The following ME1 variants were observed in gnomAD, a reference collection of about 807,000 sequenced individuals.
The protein encoded by ME1 is malic enzyme 1, also known as NADP-dependent malic enzyme.
A neutral mutation model predicts 66.4 loss-of-function variants in ME1; 74 were observed. The observed-to-expected ratio is 1.11, with a 90% CI of 0.92 to 1.35. The LOEUF (loss-of-function observed/expected upper bound fraction) is 1.35. Among genes scored for constraint, ME1 ranks in the 40% most tolerant of loss-of-function variants. The pLI is 0.00. For missense variants in ME1, 750 were observed against 694.1 expected (o/e 1.08, Z -0.90); for synonymous variants, 251 against 235.6 (o/e 1.07, Z -0.60).
chr6:83,304,902 C>T (rs1041691297), intron 6 of ME1, among the ~76,000 whole-genome samples: 12 of 152,130 alleles, frequency 7.9e-5, no homozygotes, highest in African/African-American at 2.9e-4. Context: ...TACCAACTTG[C>T]ATTAAATGTC....
intron 6 of ME1, among the ~76,000 whole-genome samples, chr6:83,297,676 C>T (rs146308716): frequency 0.028 from 4,197 of 152,174 alleles, 191 homozygotes; most frequent in African/African-American, 0.093. Context: ...GTTTGCTACA[C>T]CTATCAACCC....
intron 2 of ME1, among the ~76,000 whole-genome samples, 178 bp from the exon 3 acceptor site, chr6:83,398,694 G>A (rs954183927): frequency 1.3e-5 from 2 of 152,148 alleles, no homozygotes; most frequent in African/African-American, 4.8e-5. Flanking sequence ...AGTCTTGGCC[G>A]GGCACAGTGG....
chr6:83,239,401 A>G (rs1421807191), intron 8 of ME1, 138 bp downstream of exon 8: 1 of 531,798 alleles, frequency 1.9e-6, no homozygotes, highest in Non-Finnish European at 3.4e-6. Flanking sequence ...TCAGTACTTA[A>G]TTTGGGAATC....
chr6:83,351,286 A>G (rs1768798207), intron 4 of ME1, among the ~76,000 whole-genome samples: 1 of 152,206 alleles, frequency 6.6e-6, no homozygotes, highest in South Asian at 2.1e-4. Context: ...CAGAAGTTAT[A>G]GCTGAAGTGC....
In ME1 at chr6:83,298,999, T is replaced by C. The variant is rs527547302; in HGVS notation, c.704+16311A>G. 2.1e-5 allele frequency among the ~76,000 whole-genome samples: 3 copies of C among 145,214 alleles called. No individual in the cohort carries two copies. The South Asian group carries it at 6.8e-4, about 33-fold the overall frequency. On this transcript the variant is annotated intron_variant, in intron 6 of 13. Transcript: ENST00000369705. ...CAGTACTATGCTGTTTTGGTTACTG[T>C]AGCCTTGTGTATAGTTTGAAGTAGG...
chr6:83,341,423 G>A (rs944549600), intron 5 of ME1, among the ~76,000 whole-genome samples: 132 of 152,226 alleles, frequency 8.7e-4, no homozygotes, highest in African/African-American at 3.1e-3. Flanking sequence ...GTTTCGGGAA[G>A]CTCTTCAACT....
At chr6:83,267,880 T>A (rs879479559) in intron 6 of ME1, among the ~76,000 whole-genome samples, 1 of 152,214 alleles carries the variant, frequency 6.6e-6, no homozygotes, top group Non-Finnish European at 1.5e-5. Context: ...ATATATGATA[T>A]TTGATAGTCA....
chr6:83,301,743 G>A (rs895517322), intron 6 of ME1, among the ~76,000 whole-genome samples: 2 of 152,142 alleles, frequency 1.3e-5, no homozygotes, highest in African/African-American at 2.4e-5. Context: ...AAACCATAAT[G>A]AGATAACCAT....
Position 83,430,961 on chromosome 6 carries a change from C to T in ME1, c.-7G>A, listed in dbSNP as rs1770477918. On this transcript the variant is annotated 5_prime_UTR_variant, in exon 1 of 14. Transcript: ENST00000369705. Reference sequence around the variant, plus strand: ...GGGGGGCTTCGGGCTCCATGGCTGGCGCCGGGTTCGGCGGCGGGGTCAGGC... The same window carrying T: ...GGGGGGCTTCGGGCTCCATGGCTGGTGCCGGGTTCGGCGGCGGGGTCAGGC... 1.9e-6 allele frequency: 3 copies of T among 1,550,026 alleles called. No homozygotes were observed. Among genetic ancestry groups the T allele is most frequent in the Non-Finnish European group, 2.6e-6 (3 of 1,150,244 alleles).
intron 6 of ME1, among the ~76,000 whole-genome samples, chr6:83,279,327 A>C (rs1167075484): frequency 3.3e-5 from 5 of 152,246 alleles, no homozygotes; most frequent in Non-Finnish European, 1.5e-5. Flanking sequence ...ATAGTCGGAA[A>C]ACACAAAGCA....
chr6:83,358,137 C>A (rs1236785053), intron 3 of ME1, among the ~76,000 whole-genome samples: 1 of 151,046 alleles, frequency 6.6e-6, no homozygotes, highest in African/African-American at 2.4e-5. Flanking sequence ...TGGGAGTTGG[C>A]TGCCTAATAT....
chr6:83,321,915 C>G (rs527769021), intron 5 of ME1, among the ~76,000 whole-genome samples: 191 of 152,332 alleles, frequency 1.3e-3, no homozygotes, highest in African/African-American at 4.4e-3. Flanking sequence ...CGGCTGGCAT[C>G]TGGCAGGTGC....
intron 3 of ME1, among the ~76,000 whole-genome samples, chr6:83,373,312 T>C (rs1387668021): frequency 6.6e-6 from 1 of 152,126 alleles, no homozygotes; most frequent in Non-Finnish European, 1.5e-5. Context: ...CTCAGCTCAC[T>C]GCAACCCGTA....
intron 3 of ME1, among the ~76,000 whole-genome samples, chr6:83,386,190 T>C (rs1337445045): frequency 6.6e-6 from 1 of 151,972 alleles, no homozygotes; most frequent in Non-Finnish European, 1.5e-5. Flanking sequence ...GAAAATGTTT[T>C]TAATATTTAA....
chr6:83,228,333 T>G (rs1183963920), intron 10 of ME1, among the ~76,000 whole-genome samples: 2 of 152,184 alleles, frequency 1.3e-5, no homozygotes, highest in Non-Finnish European at 2.9e-5. Context: ...TCAGCACTAT[T>G]GACATTTTAG....
rs1339166775 is a variant in ME1 at position 83,216,590 on chromosome 6, CTA to C, written c.1454_1455del (p.Ile485SerfsTer7). 40 of 1,594,102 alleles carry C rather than the reference CTA, an allele frequency of 2.5e-5. No individual in the cohort carries two copies. Among genetic ancestry groups the C allele is most frequent in the Non-Finnish European group, 3.2e-5 (38 of 1,173,982 alleles). The part of the protein sequence containing the change: ...DNIFLTTAEV[I>X]AQQVSDKHLE... Reference sequence around the variant, plus strand: ...AAGTGTTTATCTGACACTTGCTGAGCTATAACCTTATGAAAAAAAGAAAGAAA... The same window carrying C: ...AAGTGTTTATCTGACACTTGCTGAGCTAACCTTATGAAAAAAAGAAAGAAA... On this transcript the variant is annotated frameshift_variant, in exon 13 of 14. Coordinates refer to ENST00000369705, the MANE Select transcript of ME1 (RefSeq NM_002395.6). LOFTEE classifies it high-confidence loss of function.
At chr6:83,259,337 G>A (rs1389149005) in intron 6 of ME1, among the ~76,000 whole-genome samples, 1 of 152,086 alleles carries the variant, frequency 6.6e-6, no homozygotes, top group African/African-American at 2.4e-5. Flanking sequence ...GAAGACAAAA[G>A]GATGTAAGCA....
At chr6:83,298,532 G>A (rs183041588) in intron 6 of ME1, among the ~76,000 whole-genome samples, 3 of 152,178 alleles carry the variant, frequency 2.0e-5, no homozygotes, top group Non-Finnish European at 4.4e-5. Context: ...TTACTCTGAT[G>A]ATAGTTTCTT....
In ME1 at chr6:83,408,011, C is replaced by T. The variant is rs192806493; in HGVS notation, c.79-110G>A. On this transcript the variant is annotated intron_variant, in intron 1 of 13. Transcript: ENST00000369705. ...TATGCAATTAAAAATCCGAAGTCTG[C>T]GTCACTGGAAGCATGGCCATGTGGC... 68 of 1,274,756 alleles carry T rather than the reference C, an allele frequency of 5.3e-5. No homozygotes were observed. The African/African-American group carries it at 7.0e-4, about 13-fold the overall frequency. The allele number at this position is 1,274,756 out of a possible 1,614,324, so 79.0% of individuals were successfully genotyped here. A position where few individuals can be genotyped will look rare whatever the true frequency, so the allele number is the denominator to read the frequency against.
Sources: gnomAD v4.1 joint callset for allele counts (sites outside exome capture counted in the v4.1 genomes callset) on GRCh38, gnomAD v4.1.1 for gene constraint, MANE v1.5 for transcripts, NCBI Gene and HGNC (gene_info 2026-07-23, HGNC 2026-07-21) for gene names.